The following ZFYVE1 variants were observed in gnomAD, a reference collection of about 807,000 sequenced individuals.
The protein encoded by ZFYVE1 is zinc finger FYVE domain-containing protein 1.
In ZFYVE1, 30 loss-of-function variants were observed where a neutral mutation model predicts 74.4. The ratio of observed to expected loss-of-function variants is 0.40; its 90% CI spans 0.30 to 0.55. The LOEUF (loss-of-function observed/expected upper bound fraction) is 0.55, where lower values mean the gene tolerates loss of function less well. Among genes scored for constraint, ZFYVE1 ranks in the 20% least tolerant of loss-of-function variants. The pLI, the probability that ZFYVE1 is intolerant of heterozygous loss-of-function variation, is 0.42. For synonymous variants in ZFYVE1, 335 were observed against 385.1 expected, an observed-to-expected ratio of 0.87 and a Z score of 1.52; for missense variants, 703 against 1,011.6, an observed-to-expected ratio of 0.69 and a Z score of 4.14.
intron 4 of ZFYVE1, among the ~76,000 whole-genome samples, chr14:72,987,827 A>T (rs1160693439): frequency 6.6e-6 from 1 of 152,154 alleles, no homozygotes; most frequent in Non-Finnish European, 1.5e-5. Flanking sequence ...AATGGGACAT[A>T]AGCCAGCTAG....
At chr14:73,005,273 G>A (rs533172592) in intron 2 of ZFYVE1, among the ~76,000 whole-genome samples, 195 of 152,212 alleles carry the variant, frequency 1.3e-3, no homozygotes, top group Admixed American at 5.4e-3. Context: ...GATTCCCTTT[G>A]ATGAGGGAAG....
intron 2 of ZFYVE1, among the ~76,000 whole-genome samples, chr14:73,003,621 A>G (rs548607746): frequency 6.6e-6 from 1 of 152,082 alleles, no homozygotes; most frequent in Admixed American, 6.6e-5. Context: ...GGGACAGGAG[A>G]ATCACTTGAG....
chr14:73,023,175 T>C (rs865819057), intron 2 of ZFYVE1, among the ~76,000 whole-genome samples: 1 of 120,496 alleles, frequency 8.3e-6, no homozygotes, highest in African/African-American at 3.2e-5. Flanking sequence ...AATATATATA[T>C]ATATATATAT....
At chr14:72,978,457 C>T (rs1468912221) in intron 6 of ZFYVE1, among the ~76,000 whole-genome samples, 1 of 149,178 alleles carries the variant, frequency 6.7e-6, no homozygotes, top group Non-Finnish European at 1.5e-5. Context: ...ATCCCAGCTA[C>T]TCAGGAGGCT....
rs962287465 is a variant in ZFYVE1 at position 72,969,703 on chromosome 14, T to C, written c.*1179A>G. The C allele has an allele frequency of 1.3e-5, 9 of 702,298 alleles. No homozygotes were observed. The highest frequency in any genetic ancestry group is 2.7e-5 in the East Asian group (1 of 37,266). 43.5% of individuals were successfully genotyped at this position (702,298 alleles called of 1,614,324 possible). ...CTGAAGATCAAATCCACCATGATGA[T>C]AGGATTTCAGCACAACGGGCCCTTT... On this transcript the variant is annotated 3_prime_UTR_variant, in exon 12 of 12. Transcript: ENST00000556143.
At chr14:73,020,141 T>C (rs1349009162) in intron 2 of ZFYVE1, among the ~76,000 whole-genome samples, 1 of 150,516 alleles carries the variant, frequency 6.6e-6, no homozygotes, top group African/African-American at 2.4e-5. Context: ...TGTAGTCCCA[T>C]CTACTTGGGA....
chr14:72,987,235 G>A (rs1257029768), intron 4 of ZFYVE1, among the ~76,000 whole-genome samples: 3 of 152,148 alleles, frequency 2.0e-5, no homozygotes, highest in Non-Finnish European at 4.4e-5. Flanking sequence ...GAATTGGAAC[G>A]TCAAGAGTTT....
At chr14:72,992,161 G>A (rs574011178) in intron 4 of ZFYVE1, among the ~76,000 whole-genome samples, 40 of 151,976 alleles carry the variant, frequency 2.6e-4, no homozygotes, top group African/African-American at 7.2e-4. Flanking sequence ...CACCCGCCTC[G>A]GCCTCCCAAA....
chr14:72,997,847 A>G lies in ZFYVE1; in HGVS notation c.952T>C (p.Phe318Leu). The G allele has an allele frequency of 6.2e-7, 1 of 1,604,488 alleles. No homozygotes were observed. Among genetic ancestry groups the G allele is most frequent in the South Asian group, 1.1e-5 (1 of 90,846 alleles). The change falls in exon 3 of 12, where the codon TTC (phenylalanine) becomes CTC (leucine). Residue 318 changes from phenylalanine to leucine, a missense_variant. By Grantham distance (22) the Phe-to-Leu change is conservative. Transcript: ENST00000556143. Reference protein sequence around the residue: ...LSTLGPAVIIFHETVHTQLLG... With the variant: ...LSTLGPAVIILHETVHTQLLG... ...AGCTGGGTGTGCACGGTCTCATGGA[A>G]GATGATAACTGCAGGGCCCAGTGTG...
At position 72,996,424 on chromosome 14, in the gene ZFYVE1, C is replaced by G. The variant is rs149987509; in HGVS notation, c.988+1387G>C. Among the ~76,000 whole-genome samples, 145 of 152,232 alleles carry G rather than the reference C, an allele frequency of 9.5e-4. No individual in the cohort carries two copies. In the East Asian group the frequency reaches 0.016, roughly 17 times the overall value. ...TTTCCTTCTTTTTTTGAGACAGGGT[C>G]TCACTATTGCCCAGGCTGGAGTGCA... is the stretch of plus-strand genomic sequence containing the variant. On this transcript the variant is annotated intron_variant, in intron 3 of 11. Transcript: ENST00000556143.
chr14:72,995,591 C>T (rs1048302201), intron 3 of ZFYVE1, among the ~76,000 whole-genome samples: 3 of 152,146 alleles, frequency 2.0e-5, no homozygotes, highest in Admixed American at 1.3e-4. Flanking sequence ...GCAATTAAAC[C>T]TTCCCCTCAC....
In ZFYVE1 at chr14:72,970,105, G is replaced by A. The variant is rs1240865952; in HGVS notation, c.*777C>T. 3.8e-5 allele frequency: 10 copies of A among 260,842 alleles called. No homozygotes were observed. Among genetic ancestry groups the A allele is most frequent in the East Asian group, 3.8e-4 (4 of 10,506 alleles). 16.2% of individuals were successfully genotyped at this position (260,842 alleles called of 1,614,324 possible). On this transcript the variant is annotated 3_prime_UTR_variant, in exon 12 of 12. Transcript: ENST00000556143. ...AAAGCCGAGTGGAGACAGAAGCATC[G>A]GGACAGGAAGCCCTGCTGGAGAAGG...
chr14:72,991,900 C>T (rs1386876029), intron 4 of ZFYVE1, among the ~76,000 whole-genome samples: 1 of 150,262 alleles, frequency 6.7e-6, no homozygotes, highest in East Asian at 1.9e-4. Flanking sequence ...TTTAAGAGGC[C>T]AAATCTCCCT....
chr14:72,978,698 ATG>A (rs989255643), intron 6 of ZFYVE1, among the ~76,000 whole-genome samples, 161 bp downstream of exon 6: 20 of 152,158 alleles, frequency 1.3e-4, no homozygotes, highest in Admixed American at 9.2e-4. Context: ...CAATGAAGAC[ATG>A]TGAGTGCTTT....
chr14:72,975,425 A>T lies in ZFYVE1; in HGVS notation c.1806+126T>A, dbSNP rs559423387. On this transcript the variant is annotated intron_variant, in intron 9 of 11. Coordinates refer to ENST00000556143, the MANE Select transcript of ZFYVE1 (RefSeq NM_021260.4). The surrounding 1 kb of genome is among the most constrained non-coding windows in gnomAD (Gnocchi z 4.1). ...ACGACTCCTCCCCTTGCCGGTACTC[A>T]CAGAGCTCACTGCACTGGCAGAAAA... 49 of 1,260,128 alleles carry T rather than the reference A, an allele frequency of 3.9e-5. No homozygotes were observed. In the South Asian group the frequency reaches 6.8e-4, roughly 18 times the overall value. 78.1% of individuals were successfully genotyped at this position (1,260,128 alleles called of 1,614,324 possible).
At chr14:72,994,901 T>C (rs896197324) in intron 3 of ZFYVE1, among the ~76,000 whole-genome samples, 1 of 152,244 alleles carries the variant, frequency 6.6e-6, no homozygotes, top group Non-Finnish European at 1.5e-5. Context: ...TTGAAAATTC[T>C]GGTCTTTTGT....
intron 2 of ZFYVE1, among the ~76,000 whole-genome samples, chr14:73,016,052 A>C (rs1025650609): frequency 1.3e-5 from 2 of 152,240 alleles, no homozygotes; most frequent in Non-Finnish European, 2.9e-5. Flanking sequence ...ACTCCCATAC[A>C]AGACCCAAGA....
At chr14:73,002,098 A>C (rs1567357523) in intron 2 of ZFYVE1, among the ~76,000 whole-genome samples, 1 of 152,240 alleles carries the variant, frequency 6.6e-6, no homozygotes. Context: ...ACAACAACAA[A>C]AAAGAATGAA....
At chr14:72,995,142 T>G (rs925164633) in intron 3 of ZFYVE1, among the ~76,000 whole-genome samples, 2 of 152,236 alleles carry the variant, frequency 1.3e-5, no homozygotes, top group African/African-American at 4.8e-5. Context: ...CCAGTCTGGA[T>G]GGAGTGCAGT....
Sources: allele counts gnomAD v4.1 joint callset (sites outside exome capture counted in the v4.1 genomes callset), GRCh38; gene constraint gnomAD v4.1.1; non-coding constraint Gnocchi (gnomAD v3.1); transcripts MANE v1.5; gene names NCBI Gene and HGNC (gene_info 2026-07-23, HGNC 2026-07-21).